NSMCE2: variants seen among roughly 807,000 people sequenced by gnomAD.
NSMCE2 encodes the protein E3 SUMO-protein ligase NSE2.
Under a neutral mutation model 23.8 loss-of-function variants are expected in NSMCE2, and 24 were observed. That is an observed-to-expected ratio of 1.01 (90% CI 0.73 to 1.42). The LOEUF (loss-of-function observed/expected upper bound fraction) is 1.42, where lower values mean the gene tolerates loss of function less well. Ranked by LOEUF, NSMCE2 falls within the 40% of genes most tolerant of loss-of-function variation. The pLI is 0.00. For synonymous variants in NSMCE2, 92 were observed against 94.1 expected, an observed-to-expected ratio of 0.98 and a Z score of 0.13; for missense variants, 284 against 296.5, an observed-to-expected ratio of 0.96 and a Z score of 0.31.
chr8:125,159,749 C>G lies in NSMCE2; in HGVS notation c.264+8472C>G, dbSNP rs1821506798. 2.0e-5 allele frequency among the ~76,000 whole-genome samples: 3 copies of G among 152,100 alleles called. No homozygotes were observed. The South Asian group carries it at 6.2e-4, about 32-fold the overall frequency. ...GCTCAGTTGGTGGATCACTTGCGGT[C>G]AGGAGTTCGAGACCAGCCTGCCCAA... On this transcript the variant is annotated intron_variant, in intron 4 of 7. Transcript: ENST00000287437.
chr8:125,148,529 T>A (rs1820810998), intron 3 of NSMCE2, among the ~76,000 whole-genome samples: 1 of 152,210 alleles, frequency 6.6e-6, no homozygotes, highest in Admixed American at 6.5e-5. Context: ...CTTTCATTTC[T>A]TATGCTTCAG....
intron 5 of NSMCE2, among the ~76,000 whole-genome samples, chr8:125,337,213 C>G (rs1453791689): frequency 6.6e-6 from 1 of 152,196 alleles, no homozygotes; most frequent in Non-Finnish European, 1.5e-5. Flanking sequence ...AAGTCTGTTT[C>G]CTCTCACTGG....
intron 5 of NSMCE2, among the ~76,000 whole-genome samples, chr8:125,271,578 A>G (rs74315899): frequency 0.076 from 11,630 of 152,240 alleles, 566 homozygotes; most frequent in South Asian, 0.19. Flanking sequence ...AGTCCCTGAC[A>G]TGACTCCTAG....
At chr8:125,154,040 TA>T (rs1216461078) in intron 4 of NSMCE2, among the ~76,000 whole-genome samples, 2 of 152,284 alleles carry the variant, frequency 1.3e-5, no homozygotes, top group South Asian at 2.1e-4. Context: ...AAAATAAGAT[TA>T]TTTTTTTAAA....
At chr8:125,156,624 T>TGATATGCTAACCTGAACATTTTATATGC (rs1563685623) in intron 4 of NSMCE2, among the ~76,000 whole-genome samples, 1 of 152,246 alleles carries the variant, frequency 6.6e-6, no homozygotes, top group Admixed American at 6.5e-5. Context: ...GTTTTTCACT[T>TGATATGCTAACCTGAACATTTTATATGC]GATATGCTAA....
intron 3 of NSMCE2, among the ~76,000 whole-genome samples, chr8:125,103,901 G>C (rs1818321548): frequency 6.6e-6 from 1 of 151,302 alleles, no homozygotes; most frequent in Non-Finnish European, 1.5e-5. Context: ...AGTATATGGA[G>C]CATGTTTATA....
intron 3 of NSMCE2, among the ~76,000 whole-genome samples, chr8:125,109,772 T>G (rs1199842462): frequency 1.3e-5 from 2 of 152,168 alleles, no homozygotes; most frequent in African/African-American, 4.8e-5. Flanking sequence ...ATGATCACCT[T>G]TGCCTGTGTT....
At chr8:125,279,403 A>G (rs1233692443) in intron 5 of NSMCE2, among the ~76,000 whole-genome samples, 2 of 152,236 alleles carry the variant, frequency 1.3e-5, no homozygotes, top group African/African-American at 4.8e-5. Flanking sequence ...AATGATAATG[A>G]CCATACTAAG....
intron 5 of NSMCE2, among the ~76,000 whole-genome samples, chr8:125,317,525 C>G (rs1054939365): frequency 6.6e-6 from 1 of 152,050 alleles, no homozygotes. Flanking sequence ...TATACTTCCT[C>G]CCTCCTCCAT....
intron 4 of NSMCE2, 77 bp from the exon 5 acceptor site, chr8:125,182,026 T>G (rs1822844297): frequency 9.2e-7 from 1 of 1,089,760 alleles, no homozygotes; most frequent in Non-Finnish European, 1.3e-6. Flanking sequence ...TTATCTGAGA[T>G]AAAAACAATG....
intron 5 of NSMCE2, among the ~76,000 whole-genome samples, chr8:125,346,828 G>A (rs1451899876): frequency 1.3e-5 from 2 of 152,150 alleles, no homozygotes; most frequent in Non-Finnish European, 2.9e-5. Flanking sequence ...GTATTTAATA[G>A]CTGGAGGCAA....
chr8:125,156,621 A>G (rs983654131), intron 4 of NSMCE2, among the ~76,000 whole-genome samples: 1 of 152,188 alleles, frequency 6.6e-6, no homozygotes, highest in East Asian at 1.9e-4. Flanking sequence ...GTGGTTTTTC[A>G]CTTGATATGC....
chr8:125,170,409 TTTTTTTAA>T (rs1822134142), intron 4 of NSMCE2, among the ~76,000 whole-genome samples: 1 of 104,070 alleles, frequency 9.6e-6, no homozygotes, highest in African/African-American at 4.3e-5. Context: ...TTTTTTTTTT[TTTTTTTAA>T]GACAGAGTCT....
chr8:125,301,786 C>T (rs914101396), intron 5 of NSMCE2, among the ~76,000 whole-genome samples: 1 of 151,934 alleles, frequency 6.6e-6, no homozygotes, highest in Admixed American at 6.6e-5. Flanking sequence ...CCGCAGCCTC[C>T]CGAGTAGCTG....
intron 5 of NSMCE2, among the ~76,000 whole-genome samples, chr8:125,332,658 T>G (rs528553677): frequency 3.3e-5 from 5 of 152,262 alleles, no homozygotes; most frequent in Non-Finnish European, 7.3e-5. Flanking sequence ...ACAAGTTTTC[T>G]TTTAAACAGA....
chr8:125,323,837 A>G (rs992183480), intron 5 of NSMCE2, among the ~76,000 whole-genome samples: 1 of 152,242 alleles, frequency 6.6e-6, no homozygotes, highest in East Asian at 1.9e-4. Context: ...CTGTTCTTCA[A>G]GAGATACTCT....
chr8:125,127,260 A>G (rs185115828), intron 3 of NSMCE2, among the ~76,000 whole-genome samples: 22 of 152,292 alleles, frequency 1.4e-4, no homozygotes, highest in Admixed American at 7.2e-4. Flanking sequence ...GTGGAAAAAG[A>G]ATTTAAAGTG....
chr8:125,301,454 C>T (rs544068790), intron 5 of NSMCE2, among the ~76,000 whole-genome samples: 40 of 152,146 alleles, frequency 2.6e-4, no homozygotes, highest in African/African-American at 8.9e-4. Context: ...ATAATCGTAC[C>T]TCACTACATG....
chr8:125,231,178 T>C (rs775487361), intron 5 of NSMCE2, among the ~76,000 whole-genome samples: 1 of 152,220 alleles, frequency 6.6e-6, no homozygotes, highest in African/African-American at 2.4e-5. Flanking sequence ...AATTATATGA[T>C]ATATTAGTAA....
Sources: gnomAD v4.1 joint callset for allele counts (sites outside exome capture counted in the v4.1 genomes callset) on GRCh38, gnomAD v4.1.1 for gene constraint, MANE v1.5 for transcripts, NCBI Gene and HGNC (gene_info 2026-07-23, HGNC 2026-07-21) for gene names.